Variants in FRMD4A observed in about 807,000 individuals in gnomAD.
FRMD4A encodes FERM domain-containing protein 4A.
A neutral mutation model predicts 129.1 loss-of-function variants in FRMD4A; 29 were observed. That is an observed-to-expected ratio of 0.22 (90% CI 0.17 to 0.31). The LOEUF is 0.31. Among genes scored for constraint, FRMD4A ranks in the 10% least tolerant of loss-of-function variants. The probability of loss-of-function intolerance (pLI) is 1.00; values close to 1 mark genes in which losing one functional copy is unlikely to be tolerated. For synonymous variants in FRMD4A, 634 were observed against 571.6 expected, an observed-to-expected ratio of 1.11 and a Z score of -1.56; for missense variants, 1,272 against 1,375.8, an observed-to-expected ratio of 0.92 and a Z score of 1.19.
intron 13 of FRMD4A, among the ~76,000 whole-genome samples, chr10:13,706,749 GACACACACAC>G (rs3031967): frequency 2.7e-5 from 4 of 146,528 alleles, no homozygotes; most frequent in African/African-American, 5.1e-5. Flanking sequence ...CACATACACT[GACACACACAC>G]ACACACACAC....
intron 2 of FRMD4A, among the ~76,000 whole-genome samples, chr10:13,935,303 T>C (rs1009160194): frequency 6.6e-6 from 1 of 151,734 alleles, no homozygotes; most frequent in African/African-American, 2.4e-5. Flanking sequence ...CCATGTGTGG[T>C]GGTGCACACC....
chr10:13,707,714 A>G (rs2087609719), intron 12 of FRMD4A: 1 of 985,604 alleles, frequency 1.0e-6, no homozygotes, highest in Non-Finnish European at 1.2e-6. Flanking sequence ...GCAACTCAAG[A>G]TCACAGTGTG....
At chr10:14,185,578 T>A (rs1019745940) in intron 2 of FRMD4A, among the ~76,000 whole-genome samples, 1 of 151,964 alleles carries the variant, frequency 6.6e-6, no homozygotes, top group Admixed American at 6.6e-5. Flanking sequence ...TTCAATCTCG[T>A]CTTGTAAGAA....
At chr10:13,850,429 C>T (rs1354954486) in intron 3 of FRMD4A, among the ~76,000 whole-genome samples, 2 of 152,126 alleles carry the variant, frequency 1.3e-5, no homozygotes, top group African/African-American at 4.8e-5. Context: ...AGGAAGGCGA[C>T]CATTATTTCA....
chr10:14,125,757 A>ATG (rs1554765672), intron 2 of FRMD4A, among the ~76,000 whole-genome samples: 2 of 151,934 alleles, frequency 1.3e-5, no homozygotes, highest in Non-Finnish European at 2.9e-5. Flanking sequence ...ACTCATGCGC[A>ATG]CGCGCACACA....
At chr10:13,787,699 T>G (rs2092902441) in intron 5 of FRMD4A, among the ~76,000 whole-genome samples, 1 of 151,940 alleles carries the variant, frequency 6.6e-6, no homozygotes, top group Non-Finnish European at 1.5e-5. Context: ...GCTCAAGTAA[T>G]TATCCTACCC....
intron 2 of FRMD4A, among the ~76,000 whole-genome samples, chr10:14,093,846 G>A (rs1836792271): frequency 6.6e-6 from 1 of 152,126 alleles, no homozygotes; most frequent in South Asian, 2.1e-4. Flanking sequence ...GTTTAATTCT[G>A]CTTGCCTTTG....
intron 2 of FRMD4A, among the ~76,000 whole-genome samples, chr10:14,127,994 C>G (rs1417274419): frequency 8.8e-6 from 1 of 113,038 alleles, no homozygotes; most frequent in African/African-American, 4.2e-5. Flanking sequence ...CTCTCTCTCT[C>G]TCTCTCTTTC....
At chr10:14,240,200 A>T (rs1843991971) in intron 2 of FRMD4A, among the ~76,000 whole-genome samples, 1 of 152,190 alleles carries the variant, frequency 6.6e-6, no homozygotes, top group African/African-American at 2.4e-5. Flanking sequence ...ATGAGGCAGG[A>T]TGGTTACGTA....
At chr10:14,146,683 G>C (rs893991474) in intron 2 of FRMD4A, among the ~76,000 whole-genome samples, 6 of 152,134 alleles carry the variant, frequency 3.9e-5, no homozygotes, top group Non-Finnish European at 5.9e-5. Flanking sequence ...ACGGCACTAA[G>C]TTCCATGGAA....
At chr10:14,132,059 G>A (rs1278075241) in intron 2 of FRMD4A, among the ~76,000 whole-genome samples, 1 of 152,158 alleles carries the variant, frequency 6.6e-6, no homozygotes, top group Non-Finnish European at 1.5e-5. Flanking sequence ...GCCAAGACGG[G>A]CAAATTACTG....
intron 2 of FRMD4A, among the ~76,000 whole-genome samples, chr10:14,160,350 AG>A (rs1220586661): frequency 6.6e-6 from 1 of 152,176 alleles, no homozygotes; most frequent in Non-Finnish European, 1.5e-5. Flanking sequence ...AGAAGAAAAC[AG>A]GGGAAACAAT....
intron 15 of FRMD4A, among the ~76,000 whole-genome samples, chr10:13,681,574 A>ATG (rs1476283478): frequency 1.3e-5 from 2 of 148,500 alleles, no homozygotes; most frequent in African/African-American, 5.3e-5. Flanking sequence ...ATATATGTAT[A>ATG]TGTGTATATA....
intron 2 of FRMD4A, among the ~76,000 whole-genome samples, chr10:13,879,063 A>C (rs1221480845): frequency 6.6e-6 from 1 of 152,216 alleles, no homozygotes; most frequent in Non-Finnish European, 1.5e-5. Context: ...GTCACATATC[A>C]AGACATATCC....
At chr10:14,211,622 A>C (rs1195517988) in intron 2 of FRMD4A, among the ~76,000 whole-genome samples, 1 of 152,060 alleles carries the variant, frequency 6.6e-6, no homozygotes, top group African/African-American at 2.4e-5. Flanking sequence ...ATTGTATTCT[A>C]CTTATCTTGG....
intron 15 of FRMD4A, among the ~76,000 whole-genome samples, chr10:13,688,288 G>A (rs902125640): frequency 7.9e-5 from 12 of 152,062 alleles, no homozygotes; most frequent in African/African-American, 2.9e-4. Context: ...GCAAACTATA[G>A]CAAGCACAAA....
chr10:14,073,142 C>G (rs1405468681), intron 2 of FRMD4A, among the ~76,000 whole-genome samples: 1 of 152,226 alleles, frequency 6.6e-6, no homozygotes, highest in Non-Finnish European at 1.5e-5. Flanking sequence ...ACCTCCATCT[C>G]TCAGCTCAGA....
In FRMD4A at chr10:14,217,805, G is replaced by A. The variant is rs1332944827; in HGVS notation, c.45+112253C>T. 5.3e-5 allele frequency among the ~76,000 whole-genome samples: 8 copies of A among 151,810 alleles called. No individual in the cohort carries two copies. In the East Asian group the frequency reaches 1.6e-3, roughly 29 times the overall value. On this transcript the variant is annotated intron_variant, in intron 2 of 24. Transcript: ENST00000357447. ...GGCTGGCAGGGTCTCCACCAAGATA[G>A]TGATCATTTATTTTTACTCTCTCTC...
chr10:13,738,338 G>A (rs933604854), intron 11 of FRMD4A, among the ~76,000 whole-genome samples: 2 of 152,138 alleles, frequency 1.3e-5, no homozygotes, highest in African/African-American at 4.8e-5. Flanking sequence ...GACCTTCTGG[G>A]CAGAGAAACT....
Sources: allele counts gnomAD v4.1 joint callset (sites outside exome capture counted in the v4.1 genomes callset), GRCh38; gene constraint gnomAD v4.1.1; transcripts MANE v1.5; gene names NCBI Gene and HGNC (gene_info 2026-07-23, HGNC 2026-07-21).